TARBP1: variants seen among roughly 807,000 people sequenced by gnomAD.
TARBP1 encodes the protein tRNA (guanosine(18)-2'-O)-methyltransferase TARBP1.
A neutral mutation model predicts 178.6 loss-of-function variants in TARBP1; 144 were observed. The ratio of observed to expected loss-of-function variants is 0.81; its 90% CI spans 0.70 to 0.93. The LOEUF (loss-of-function observed/expected upper bound fraction) is 0.93, where lower values mean the gene tolerates loss of function less well. TARBP1 is among the 40% of genes least tolerant of loss of function. TARBP1 has a pLI of 0.00. For synonymous variants in TARBP1, 787 were observed against 781.0 expected (o/e 1.01, Z -0.13); for missense variants, 2,067 against 2,011.7 (o/e 1.03, Z -0.53).
In TARBP1 at chr1:234,391,679, T is replaced by C; in HGVS notation, c.4764A>G (p.Gln1588=). The change falls in exon 30 of 30, where the codon CAA becomes CAG. Residue 1588 remains glutamine, a synonymous_variant. Transcript: ENST00000040877. The part of the protein sequence containing the change: ...QQLDVCVEIP[Q]QGIIRSLNVH... ...CATTCAGGGAGCGGATAATGCCCTG[T>C]TGAGGAATTTCCACACAAACGTCCA... is the stretch of plus-strand genomic sequence containing the variant. 1.9e-6 allele frequency: 3 copies of C among 1,613,800 alleles called. No homozygotes were observed. The highest frequency in any genetic ancestry group is 2.5e-6 in the Non-Finnish European group (3 of 1,179,998).
chr1:234,453,114 C>T (rs571613014), intron 9 of TARBP1, among the ~76,000 whole-genome samples: 10 of 152,220 alleles, frequency 6.6e-5, no homozygotes, highest in East Asian at 3.9e-4. Flanking sequence ...CTATTCTGTA[C>T]GACACGTCTG....
intron 21 of TARBP1, among the ~76,000 whole-genome samples, chr1:234,420,413 T>C (rs1241522302): frequency 6.6e-6 from 1 of 152,158 alleles, no homozygotes; most frequent in East Asian, 1.9e-4. Context: ...TCTAATCAAA[T>C]GGCAAATCAG....
intron 1 of TARBP1, among the ~76,000 whole-genome samples, chr1:234,476,322 T>C (rs997200634): frequency 1.3e-5 from 2 of 152,216 alleles, no homozygotes; most frequent in Admixed American, 6.5e-5. Flanking sequence ...GAGAATGCAC[T>C]GCACTGACAC....
rs137865931 is a variant in TARBP1 at position 234,439,751 on chromosome 1, G to A, written c.2135-2379C>T. ...TGAGGCAGGAGAATCGCTTGAACCC[G>A]GGAGGCAGAGGTTGCAGTGAGCCAA... is the stretch of plus-strand genomic sequence containing the variant. On this transcript the variant is annotated intron_variant, in intron 12 of 29. Transcript: ENST00000040877. 2.0e-4 allele frequency among the ~76,000 whole-genome samples: 31 copies of A among 152,190 alleles called. No homozygotes were observed. The East Asian group carries it at 2.9e-3, about 14-fold the overall frequency.
intron 19 of TARBP1, among the ~76,000 whole-genome samples, chr1:234,426,546 G>GGACT (rs2103116277): frequency 6.6e-6 from 1 of 152,142 alleles, no homozygotes; most frequent in African/African-American, 2.4e-5. Flanking sequence ...AACACAGTTA[G>GGACT]GACTTTCAGA....
intron 24 of TARBP1, 39 bp from the exon 25 acceptor site, chr1:234,401,301 A>G (rs1171574888): frequency 1.3e-6 from 2 of 1,499,218 alleles, no homozygotes; most frequent in Admixed American, 1.7e-5. Context: ...CAGACAAATG[A>G]AACAACTCTG....
In TARBP1 at chr1:234,398,569, T is replaced by C. The variant is rs1660378441; in HGVS notation, c.4072-16A>G. 15 of 1,523,882 alleles carry C rather than the reference T, an allele frequency of 9.8e-6. No individual in the cohort carries two copies. The highest frequency in any genetic ancestry group is 2.0e-5 in the Admixed American group (1 of 49,414). The allele number at this position is 1,523,882 out of a possible 1,614,324, so 94.4% of individuals were successfully genotyped here. ...AAAATATGGTCTGAAAAGAGAATTA[T>C]AAAATCTAAATTTCTTCCCTTAAGA... On this transcript the variant is annotated splice_polypyrimidine_tract_variant and intron_variant, in intron 25 of 29. Coordinates refer to ENST00000040877, the MANE Select transcript of TARBP1 (RefSeq NM_005646.4).
chr1:234,391,791 A>C (rs184001911), intron 29 of TARBP1, 46 bp from the exon 30 acceptor site: 34 of 1,565,278 alleles, frequency 2.2e-5, no homozygotes, highest in Non-Finnish European at 3.0e-5. Context: ...GTAACAAACA[A>C]TTTTTCTCTT....
At chr1:234,465,867 T>C (rs1309105493) in intron 4 of TARBP1, among the ~76,000 whole-genome samples, 159 bp from the exon 5 acceptor site, 1 of 152,208 alleles carries the variant, frequency 6.6e-6, no homozygotes, top group Non-Finnish European at 1.5e-5. Flanking sequence ...GTGCTGGTCC[T>C]GGAGGGGAAG....
chr1:234,474,479 G>A (rs927336920), intron 1 of TARBP1, among the ~76,000 whole-genome samples: 1 of 152,130 alleles, frequency 6.6e-6, no homozygotes, highest in African/African-American at 2.4e-5. Context: ...AGATTGCACA[G>A]GAGGTCCAGC....
At position 234,393,930 on chromosome 1, in the gene TARBP1, AATAATTTAGAATGAG is replaced by A. The variant is rs1189265448; in HGVS notation, c.4244-108_4244-94del. ...TGTATATGTATTTTTAAGAATGTGAAATAATTTAGAATGAGATAATTTAGAATGAGACTTAACAAA... is the reference window on the plus strand; with the variant it reads ...TGTATATGTATTTTTAAGAATGTGAAATAATTTAGAATGAGACTTAACAAA... On this transcript the variant is annotated intron_variant, in intron 26 of 29. Coordinates refer to ENST00000040877, the MANE Select transcript of TARBP1 (RefSeq NM_005646.4). 2.0e-4 allele frequency: 188 copies of A among 963,818 alleles called. 1 individual carries two copies. The highest frequency in any genetic ancestry group is 1.1e-3 in the South Asian group (43 of 39,460). 59.7% of individuals were successfully genotyped at this position (963,818 alleles called of 1,614,324 possible).
chr1:234,400,172 G>A (rs1227095615), intron 25 of TARBP1: 6 of 152,006 alleles, frequency 3.9e-5, no homozygotes, highest in Non-Finnish European at 7.4e-5. Flanking sequence ...TAAAACATAT[G>A]AGAGTGAGGT....
At chr1:234,393,276 C>CT (rs899127152) in intron 28 of TARBP1, 86 bp downstream of exon 28, 13 of 1,298,468 alleles carry the variant, frequency 1.0e-5, no homozygotes, top group South Asian at 5.8e-5. Flanking sequence ...CAAATACAAA[C>CT]TTTTTTTTAA....
intron 29 of TARBP1, among the ~76,000 whole-genome samples, 200 bp downstream of exon 29, chr1:234,392,216 A>T (rs1256016629): frequency 6.6e-6 from 1 of 152,148 alleles, no homozygotes; most frequent in Admixed American, 6.5e-5. Context: ...CATGCCTGTA[A>T]TCCCAGCTAC....
At chr1:234,430,399 T>G in intron 14 of TARBP1, 98 bp from the exon 15 acceptor site, 1 of 1,027,882 alleles carries the variant, frequency 9.7e-7, no homozygotes, top group Non-Finnish European at 1.4e-6. Flanking sequence ...GCTCTCCTTT[T>G]CCCTCTTCCT....
At chr1:234,423,198 G>C (rs1487811711) in intron 20 of TARBP1, among the ~76,000 whole-genome samples, 1 of 152,204 alleles carries the variant, frequency 6.6e-6, no homozygotes, top group Non-Finnish European at 1.5e-5. Context: ...TAGTGATGCA[G>C]GAGGGCTCCA....
At chr1:234,428,520 G>C (rs1293671272) in intron 17 of TARBP1, among the ~76,000 whole-genome samples, 1 of 151,874 alleles carries the variant, frequency 6.6e-6, no homozygotes, top group Non-Finnish European at 1.5e-5. Flanking sequence ...TCATTTCCAA[G>C]AAATCCAGTT....
At chr1:234,439,687 A>C (rs1665395743) in intron 12 of TARBP1, among the ~76,000 whole-genome samples, 1 of 152,154 alleles carries the variant, frequency 6.6e-6, no homozygotes, top group Non-Finnish European at 1.5e-5. Flanking sequence ...TTAGCCAGGC[A>C]TGATGGTGGG....
intron 23 of TARBP1, chr1:234,407,856 T>C (rs1404673787): frequency 6.6e-6 from 1 of 152,206 alleles, no homozygotes; most frequent in Non-Finnish European, 1.5e-5. Flanking sequence ...TCATCTTGTA[T>C]ACTTTCTGCC....
Sources: allele counts gnomAD v4.1 joint callset (sites outside exome capture counted in the v4.1 genomes callset), GRCh38; gene constraint gnomAD v4.1.1; transcripts MANE v1.5; gene names NCBI Gene and HGNC (gene_info 2026-07-23, HGNC 2026-07-21).